The following SCN1A variants were observed in gnomAD, a reference collection of about 807,000 sequenced individuals.
The protein encoded by SCN1A is sodium channel protein type 1 subunit alpha.
SCN1A carries 13 observed loss-of-function variants against 193.7 expected under a neutral mutation model. The ratio of observed to expected loss-of-function variants is 0.07; its 90% confidence interval spans 0.04 to 0.11. The LOEUF (loss-of-function observed/expected upper bound fraction) is 0.11. Among genes scored for constraint, SCN1A ranks in the 10% least tolerant of loss-of-function variants. The pLI is 1.00. For synonymous variants in SCN1A, 781 were observed against 843.6 expected (o/e 0.93, Z 1.29); for missense variants, 1,432 against 2,451.1 (o/e 0.58, Z 8.78).
At chr2:166,021,338 G>A (rs1353298559) in intron 19 of SCN1A, among the ~76,000 whole-genome samples, 1 of 152,052 alleles carries the variant, frequency 6.6e-6, no homozygotes. Flanking sequence ...TATATATAAT[G>A]TAAATAAATG....
chr2:166,044,820 CCTGA>C (rs1311220874), intron 13 of SCN1A, among the ~76,000 whole-genome samples: 3 of 152,090 alleles, frequency 2.0e-5, no homozygotes, highest in African/African-American at 7.2e-5. Context: ...GTCCAGTTCT[CCTGA>C]CTGTCAACTT....
At chr2:166,009,195 A>G (rs1692068370) in intron 23 of SCN1A, among the ~76,000 whole-genome samples, 1 of 151,152 alleles carries the variant, frequency 6.6e-6, no homozygotes, top group Non-Finnish European at 1.5e-5. Context: ...TCAACACTTA[A>G]TATCTAACCA....
At chr2:166,029,471 T>C (rs1169587170) in intron 19 of SCN1A, among the ~76,000 whole-genome samples, 2 of 152,106 alleles carry the variant, frequency 1.3e-5, no homozygotes, top group Admixed American at 1.3e-4. Context: ...CCATGGATAG[T>C]ACTCTTCGCA....
chr2:166,133,401 A>G (rs1444575050), intron 1 of SCN1A, among the ~76,000 whole-genome samples: 1 of 152,212 alleles, frequency 6.6e-6, no homozygotes, highest in Non-Finnish European at 1.5e-5. Context: ...TAGCTTTTAT[A>G]AACAAGACAG....
intron 6 of SCN1A, 116 bp from the exon 7 acceptor site, chr2:166,054,882 TGG>T: frequency 1.1e-6 from 1 of 906,848 alleles, no homozygotes; most frequent in African/African-American, 1.7e-5. Context: ...ACTAAGCAGA[TGG>T]ATTTTAATTT....
intron 19 of SCN1A, among the ~76,000 whole-genome samples, chr2:166,030,958 C>G (rs1186806289): frequency 6.6e-6 from 1 of 152,114 alleles, no homozygotes; most frequent in Admixed American, 6.6e-5. Context: ...TCTCTCAGAT[C>G]TGTCCAAGTC....
At chr2:166,034,361 A>C (rs1696056575) in intron 19 of SCN1A, among the ~76,000 whole-genome samples, 1 of 152,210 alleles carries the variant, frequency 6.6e-6, no homozygotes, top group African/African-American at 2.4e-5. Flanking sequence ...TTTAAGGGAT[A>C]TAGTCACTAA....
At chr2:166,097,605 A>G (rs1199658310) in intron 2 of SCN1A, among the ~76,000 whole-genome samples, 1 of 151,934 alleles carries the variant, frequency 6.6e-6, no homozygotes, top group Non-Finnish European at 1.5e-5. Flanking sequence ...AAAAAAAAAT[A>G]GGGTCTTGCC....
At chr2:166,050,294 T>C (rs1034977905) in intron 9 of SCN1A, among the ~76,000 whole-genome samples, 4 of 151,758 alleles carry the variant, frequency 2.6e-5, no homozygotes, top group Admixed American at 1.3e-4. Flanking sequence ...ATAAATTTAA[T>C]TTTCTATTAT....
At chr2:166,107,422 T>A (rs1312826229) in intron 2 of SCN1A, among the ~76,000 whole-genome samples, 6 of 151,666 alleles carry the variant, frequency 4.0e-5, no homozygotes, top group Non-Finnish European at 8.8e-5. Flanking sequence ...CACCTAAGAG[T>A]GAGAGGTTAC....
At chr2:166,056,580 A>G (rs1699164854) in intron 5 of SCN1A, 80 bp from the exon 6 acceptor site, 19 of 1,012,746 alleles carry the variant, frequency 1.9e-5, no homozygotes, top group Non-Finnish European at 3.0e-5. Context: ...TGAAAAGCCC[A>G]AACTGCAGCT....
intron 2 of SCN1A, among the ~76,000 whole-genome samples, chr2:166,097,778 A>T (rs151177587): frequency 3.3e-5 from 5 of 152,222 alleles, no homozygotes; most frequent in Non-Finnish European, 5.9e-5. Flanking sequence ...ACAGGGTCTC[A>T]CTTTGCTGCC....
chr2:166,126,111 T>C (rs1438202797), intron 2 of SCN1A, among the ~76,000 whole-genome samples: 2 of 152,126 alleles, frequency 1.3e-5, no homozygotes, highest in African/African-American at 4.8e-5. Context: ...TTGTGCTCTG[T>C]TCTAGTGGTT....
Position 166,043,908 on chromosome 2 carries a change from C to T in SCN1A, c.1804G>A (p.Glu602Lys). ...DDEHSTFEDN[E>K]SRRDSLFVPR... is the part of the protein sequence containing the mutation. The stretch of plus-strand genomic sequence containing the variant: ...ACAAACAAGGAATCTCTACGGCTCT[C>T]GTTATCCTCAAAGGTGCTGTGCTCA... Residue 602 changes from glutamate (E) to lysine (K), a missense_variant, in exon 14 of 29, where the codon GAG becomes AAG. Physicochemically the swap from Glu to Lys is moderately conservative, Grantham distance 56. This residue lies in a region of SCN1A where 316 missense variants were observed against 362.1 expected (regional missense o/e 0.87). Transcript: ENST00000674923. The T allele has an allele frequency of 1.9e-6, 3 of 1,614,140 alleles. No individual in the cohort carries two copies. The highest frequency in any genetic ancestry group is 2.5e-6 in the Non-Finnish European group (3 of 1,180,028).
intron 2 of SCN1A, among the ~76,000 whole-genome samples, chr2:166,082,377 A>G (rs1001743372): frequency 4.6e-5 from 7 of 152,036 alleles, no homozygotes; most frequent in Non-Finnish European, 8.8e-5. Flanking sequence ...ATAGTTATGA[A>G]ATATTCTTTT....
intron 4 of SCN1A, among the ~76,000 whole-genome samples, chr2:166,063,459 C>G (rs1683528121): frequency 6.6e-6 from 1 of 151,962 alleles, no homozygotes; most frequent in Admixed American, 6.6e-5. Flanking sequence ...CAATTGATGG[C>G]AATTCAGAAT....
intron 1 of SCN1A, among the ~76,000 whole-genome samples, chr2:166,138,374 G>T (rs1275349269): frequency 3.3e-5 from 5 of 152,204 alleles, no homozygotes; most frequent in Non-Finnish European, 7.3e-5. Context: ...TGAAAATGTG[G>T]TTTCATGGGC....
rs968572503 is a variant in SCN1A, at chr2:166,037,523, T to C, written c.2946+253A>G. Among the ~76,000 whole-genome samples the C allele has an allele frequency of 5.3e-5, 8 of 152,310 alleles. No homozygotes were observed. In the East Asian group the frequency reaches 1.2e-3, roughly 22 times the overall value. ...AAGTGACTGACAAAATAGAATTTGG[T>C]ATAAAAAATGCAGGGGCACTGCTAT... On this transcript the variant is annotated intron_variant, in intron 18 of 28. Coordinates refer to ENST00000674923, the MANE Select transcript of SCN1A (RefSeq NM_001165963.4).
At chr2:166,010,048 G>GA (rs903916977) in intron 22 of SCN1A, among the ~76,000 whole-genome samples, 9 of 147,464 alleles carry the variant, frequency 6.1e-5, no homozygotes, top group East Asian at 2.0e-4. Flanking sequence ...AAAGCTAGTT[G>GA]AAAAAAAATC....
Sources: allele counts gnomAD v4.1 joint callset (sites outside exome capture counted in the v4.1 genomes callset), GRCh38; gene constraint gnomAD v4.1.1; regional missense constraint gnomAD v4.1.1; transcripts MANE v1.5; gene names NCBI Gene and HGNC (gene_info 2026-07-23, HGNC 2026-07-21).